Variants in ANO5 observed in about 807,000 individuals in gnomAD.
ANO5 encodes anoctamin-5.
Under a neutral mutation model 121.0 loss-of-function variants are expected in ANO5, and 109 were observed. The observed-to-expected ratio is 0.90, with a 90% CI of 0.77 to 1.06. The LOEUF is 1.06. Among genes scored for constraint, ANO5 ranks in the 50% least tolerant of loss-of-function variants. ANO5 has a pLI of 0.00. For synonymous variants in ANO5, 406 were observed against 359.9 expected, an observed-to-expected ratio of 1.13 and a Z score of -1.45; for missense variants, 1,064 against 1,078.5, an observed-to-expected ratio of 0.99 and a Z score of 0.19.
intron 3 of ANO5, among the ~76,000 whole-genome samples, chr11:22,217,101 TC>T (rs928063681): frequency 7.2e-5 from 11 of 152,078 alleles, no homozygotes; most frequent in Admixed American, 7.2e-4. Flanking sequence ...AACTCCTCTG[TC>T]TATATATAGA....
At chr11:22,257,641 G>A (rs562472590) in intron 13 of ANO5, 39 bp from the exon 14 acceptor site, 41 of 1,518,748 alleles carry the variant, frequency 2.7e-5, no homozygotes, top group African/African-American at 6.9e-5. Context: ...ACTTAGAGGG[G>A]AGATTTTGAA....
chr11:22,280,433 G>A lies in ANO5; in HGVS notation c.*668G>A, dbSNP rs949794273. 8.6e-5 allele frequency: 13 copies of A among 151,788 alleles called. No individual in the cohort carries two copies. Among genetic ancestry groups the A allele is most frequent in the African/African-American group, 3.1e-4 (13 of 41,382 alleles). 9.4% of individuals were successfully genotyped at this position (151,788 alleles called of 1,614,324 possible). A position where few individuals can be genotyped will look rare whatever the true frequency, so the allele number is the denominator to read the frequency against. On this transcript the variant is annotated 3_prime_UTR_variant, in exon 22 of 22. Transcript: ENST00000324559. Reference sequence around the variant, plus strand: ...AACATAAAACAACTTGGTTCTTAGAGATAATAATTTGGTTATAATAGTTTC... The same window carrying A: ...AACATAAAACAACTTGGTTCTTAGAAATAATAATTTGGTTATAATAGTTTC...
intron 2 of ANO5, 100 bp downstream of exon 2, chr11:22,203,950 T>G: frequency 1.4e-6 from 1 of 725,632 alleles, no homozygotes; most frequent in East Asian, 2.9e-5. Flanking sequence ...TAATACATTC[T>G]ATTATGCCCT....
At chr11:22,198,898 GATGATC>G (rs1304922702) in intron 1 of ANO5, among the ~76,000 whole-genome samples, 3 of 152,172 alleles carry the variant, frequency 2.0e-5, no homozygotes, top group Non-Finnish European at 4.4e-5. Context: ...TCTAACGAGA[GATGATC>G]AGGATCAGGA....
At chr11:22,228,917 C>A (rs755379914) in intron 7 of ANO5, among the ~76,000 whole-genome samples, 6 of 151,818 alleles carry the variant, frequency 4.0e-5, no homozygotes, top group South Asian at 4.2e-4. Context: ...TCTTGGGTAT[C>A]GTGAATAGTG....
intron 21 of ANO5, chr11:22,277,757 T>C (rs1165405216): frequency 6.6e-6 from 1 of 151,606 alleles, no homozygotes; most frequent in East Asian, 1.9e-4. Context: ...TTATTTATTA[T>C]TTGTGTTAAT....
At chr11:22,198,626 T>C (rs1248487583) in intron 1 of ANO5, among the ~76,000 whole-genome samples, 1 of 152,206 alleles carries the variant, frequency 6.6e-6, no homozygotes, top group Non-Finnish European at 1.5e-5. Flanking sequence ...TTCAACTTTC[T>C]TTTTGTAAAA....
At chr11:22,264,945 AAAAAT>A (rs1198012021) in intron 17 of ANO5, among the ~76,000 whole-genome samples, 5 of 152,320 alleles carry the variant, frequency 3.3e-5, no homozygotes, top group African/African-American at 1.2e-4. Context: ...GACATTTAAT[AAAAAT>A]AAAATAAGGG....
At chr11:22,269,019 C>T (rs933357742) in intron 17 of ANO5, among the ~76,000 whole-genome samples, 7 of 144,054 alleles carry the variant, frequency 4.9e-5, no homozygotes, top group Non-Finnish European at 1.1e-4. Context: ...AGAAAGAAGA[C>T]AGACATAGAG....
intron 1 of ANO5, among the ~76,000 whole-genome samples, chr11:22,201,548 T>A (rs1224080593): frequency 6.6e-6 from 1 of 152,064 alleles, no homozygotes; most frequent in Non-Finnish European, 1.5e-5. Context: ...TTTGTGCTGT[T>A]ATAACAGAAT....
intron 18 of ANO5, among the ~76,000 whole-genome samples, chr11:22,271,750 G>A (rs1306722018): frequency 6.6e-6 from 1 of 152,090 alleles, no homozygotes; most frequent in African/African-American, 2.4e-5. Context: ...TTATTGTTGT[G>A]AATTCTGAAA....
At chr11:22,275,313 C>G (rs1345790905) in intron 20 of ANO5, among the ~76,000 whole-genome samples, 1 of 151,586 alleles carries the variant, frequency 6.6e-6, no homozygotes, top group Admixed American at 6.6e-5. Flanking sequence ...TTTAAAGACA[C>G]ACACACACAC....
In ANO5 at chr11:22,250,345, A is replaced by AT. The variant is rs398124626; in HGVS notation, c.989dup (p.Leu330PhefsTer6). The AT allele has an allele frequency of 8.9e-5, 144 of 1,613,426 alleles. No homozygotes were observed. Among genetic ancestry groups the AT allele is most frequent in the Non-Finnish European group, 1.1e-4 (124 of 1,179,690 alleles). On this transcript the variant is annotated frameshift_variant, in exon 10 of 22. Coordinates refer to ENST00000324559, the MANE Select transcript of ANO5 (RefSeq NM_213599.3). LOFTEE classifies it high-confidence loss of function. ...GCTTAGCTTGTTTTATTTATGGCTT[A>AT]TTATCAATGGAACATAACACAAGCA...
At chr11:22,226,563 CAAAAAAT>C (rs533594372) in intron 6 of ANO5, among the ~76,000 whole-genome samples, 14 of 151,788 alleles carry the variant, frequency 9.2e-5, no homozygotes, top group Non-Finnish European at 1.3e-4. Flanking sequence ...CCTGTCTCTA[CAAAAAAT>C]AAAAAATAAA....
At chr11:22,208,930 C>G (rs1354676373) in intron 2 of ANO5, among the ~76,000 whole-genome samples, 1 of 151,734 alleles carries the variant, frequency 6.6e-6, no homozygotes, top group Admixed American at 6.6e-5. Context: ...TTTTTTCACC[C>G]CATCTATGGG....
intron 9 of ANO5, among the ~76,000 whole-genome samples, chr11:22,249,250 TA>T (rs1853720901): frequency 6.6e-6 from 1 of 152,100 alleles, no homozygotes; most frequent in Non-Finnish European, 1.5e-5. Flanking sequence ...TTGAATATGA[TA>T]AATACATTTT....
intron 8 of ANO5, 135 bp from the exon 9 acceptor site, chr11:22,239,434 T>TC: frequency 1.5e-6 from 1 of 664,242 alleles, no homozygotes; most frequent in South Asian, 1.7e-5. Context: ...TAATTTCACA[T>TC]CAATTGAATA....
At chr11:22,269,821 A>T (rs1854543161) in intron 17 of ANO5, among the ~76,000 whole-genome samples, 1 of 152,208 alleles carries the variant, frequency 6.6e-6, no homozygotes, top group Admixed American at 6.5e-5. Context: ...TTTTTAAAAA[A>T]AGTGGTACAT....
intron 19 of ANO5, among the ~76,000 whole-genome samples, chr11:22,274,177 C>G (rs575508804): frequency 0.012 from 1,660 of 143,776 alleles, 42 homozygotes; most frequent in African/African-American, 0.047. Context: ...CACACACACA[C>G]ACACACACAC....
Sources: gnomAD v4.1 joint callset for allele counts (sites outside exome capture counted in the v4.1 genomes callset) on GRCh38, gnomAD v4.1.1 for gene constraint, MANE v1.5 for transcripts, NCBI Gene and HGNC (gene_info 2026-07-23, HGNC 2026-07-21) for gene names.